The following ZNF140 variants were observed in gnomAD, a reference collection of about 807,000 sequenced individuals.
ZNF140 encodes the protein zinc finger protein 140, also known as zinc finger protein 140 (clone pHZ-39).
ZNF140 carries 13 observed loss-of-function variants against 12.9 expected under a neutral mutation model. The ratio of observed to expected loss-of-function variants is 1.01; its 90% confidence interval spans 0.66 to 1.60. The LOEUF is 1.60. ZNF140 is among the 40% of genes most tolerant of loss of function. The probability of loss-of-function intolerance (pLI) is 0.00; values close to 1 mark genes in which losing one functional copy is unlikely to be tolerated. For synonymous variants in ZNF140, 214 were observed against 186.7 expected (o/e 1.15, Z -1.19); for missense variants, 531 against 548.8 (o/e 0.97, Z 0.32).
chr12:133,089,306 C>T (rs1382508149), intron 4 of ZNF140, among the ~76,000 whole-genome samples: 1 of 151,910 alleles, frequency 6.6e-6, no homozygotes, highest in Non-Finnish European at 1.5e-5. Context: ...TCAACTTCCC[C>T]CGGCCCAGGT....
At chr12:133,104,551 C>T (rs1955504162) in intron 4 of ZNF140, among the ~76,000 whole-genome samples, 1 of 152,026 alleles carries the variant, frequency 6.6e-6, no homozygotes, top group African/African-American at 2.4e-5. Flanking sequence ...CGGGGTTTCA[C>T]TGTGTTAGCC....
chr12:133,084,577 G>T (rs1954613147), intron 4 of ZNF140, among the ~76,000 whole-genome samples: 1 of 152,220 alleles, frequency 6.6e-6, no homozygotes, highest in Non-Finnish European at 1.5e-5. Flanking sequence ...GATAGTACTA[G>T]AGAAACAAAA....
At chr12:133,087,172 A>G (rs1954703204) in intron 4 of ZNF140, among the ~76,000 whole-genome samples, 1 of 152,092 alleles carries the variant, frequency 6.6e-6, no homozygotes, top group African/African-American at 2.4e-5. Flanking sequence ...TAAGGGAGGT[A>G]GACAGATTGG....
At chr12:133,080,639 C>G (rs1413446854), upstream of ZNF140, 1 of 152,398 alleles carries the variant, frequency 6.6e-6, no homozygotes, top group Non-Finnish European at 1.5e-5. Context: ...CGGCTCTGGG[C>G]GTGGGAGGAT....
In ZNF140 at chr12:133,105,991, G is replaced by A. The variant is rs781304847; in HGVS notation, c.714G>A (p.Thr238=). The A allele has an allele frequency of 1.4e-5, 22 of 1,613,936 alleles. No individual in the cohort carries two copies. In the East Asian group the frequency reaches 1.8e-4, roughly 13 times the overall value. Residue 238 remains threonine, a synonymous_variant, in exon 5 of 5, where the codon ACG becomes ACA. Coordinates refer to ENST00000355557, the MANE Select transcript of ZNF140 (RefSeq NM_003440.4). ...CATTTCTTATTGAACACCAGAGAAC[G>A]CACACTGGGGAGAAACCTTATGAAT... ...YLSFLIEHQR[T]HTGEKPYECT...
intron 4 of ZNF140, among the ~76,000 whole-genome samples, chr12:133,105,065 T>C (rs975036564): frequency 2.0e-4 from 30 of 152,212 alleles, no homozygotes; most frequent in African/African-American, 6.5e-4. Flanking sequence ...GAAACCGCTT[T>C]TTTTTTCATT....
chr12:133,102,292 C>A (rs1179509051), intron 4 of ZNF140, among the ~76,000 whole-genome samples: 11 of 152,090 alleles, frequency 7.2e-5, no homozygotes, highest in Non-Finnish European at 2.9e-5. Context: ...CATAATTTTC[C>A]ATAATTTCCT....
intron 4 of ZNF140, among the ~76,000 whole-genome samples, chr12:133,091,665 A>G (rs1478364213): frequency 1.3e-5 from 2 of 150,812 alleles, no homozygotes; most frequent in African/African-American, 4.9e-5. Flanking sequence ...ACAGACATAC[A>G]AGGATTAATA....
chr12:133,100,779 C>A (rs200912920), intron 4 of ZNF140, among the ~76,000 whole-genome samples: 1 of 152,138 alleles, frequency 6.6e-6, no homozygotes, highest in East Asian at 1.9e-4. Context: ...TGAACACAAG[C>A]ACTACGATAC....
chr12:133,101,267 C>G (rs2137567707), intron 4 of ZNF140, among the ~76,000 whole-genome samples: 1 of 152,176 alleles, frequency 6.6e-6, no homozygotes, highest in South Asian at 2.1e-4. Flanking sequence ...TCTGTTCTTC[C>G]TTCTTTTTTA....
chr12:133,099,216 A>C (rs11610647), intron 4 of ZNF140, among the ~76,000 whole-genome samples: 73,563 of 151,610 alleles, frequency 0.49, 18,461 homozygotes, highest in Non-Finnish European at 0.56. Flanking sequence ...TCTGTCACCC[A>C]GGCTGGAGTG....
rs529925225 is a variant in ZNF140, at chr12:133,095,847, A to C, written c.233-9663A>C. ...AAACATCTCAGCGGAGTAAAGAATA[A>C]CAAGGCAGCATTACTGCAAACATAT... is the stretch of plus-strand genomic sequence containing the variant. On this transcript the variant is annotated intron_variant, in intron 4 of 4. Transcript: ENST00000355557. Among the ~76,000 whole-genome samples the C allele has an allele frequency of 7.2e-5, 11 of 152,114 alleles. No homozygotes were observed. The South Asian group carries it at 1.9e-3, about 26-fold the overall frequency.
intron 4 of ZNF140, among the ~76,000 whole-genome samples, chr12:133,094,594 G>GT (rs1485997592): frequency 6.6e-6 from 1 of 151,114 alleles, no homozygotes; most frequent in African/African-American, 2.5e-5. Context: ...ATTTAAAATA[G>GT]TTTTTTAACT....
At chr12:133,098,113 C>T (rs1392879661) in intron 4 of ZNF140, among the ~76,000 whole-genome samples, 7 of 152,080 alleles carry the variant, frequency 4.6e-5, no homozygotes, top group South Asian at 2.1e-4. Flanking sequence ...GGATTACAGG[C>T]GTGAGCCTAC....
intron 4 of ZNF140, among the ~76,000 whole-genome samples, chr12:133,096,783 C>T (rs1415926263): frequency 6.6e-6 from 1 of 152,192 alleles, no homozygotes; most frequent in Non-Finnish European, 1.5e-5. Context: ...TGTGTTATGA[C>T]TAAGAATTGC....
At chr12:133,082,143 C>G (rs1400335018) in intron 2 of ZNF140, 2 of 152,198 alleles carry the variant, frequency 1.3e-5, no homozygotes, top group Non-Finnish European at 2.9e-5. Flanking sequence ...GTGGGGATAA[C>G]AGGGTCAACT....
At position 133,081,047 on chromosome 12, in the gene ZNF140, A is replaced by G; in HGVS notation, c.-74A>G. On this transcript the variant is annotated 5_prime_UTR_variant, in exon 1 of 5. Coordinates refer to ENST00000355557, the MANE Select transcript of ZNF140 (RefSeq NM_003440.4). ...CCACCTGGCGGAAAGCACCACGGAA[A>G]CGCATCCTTCTGTGGCCACTGTTAG... 4.9e-6 allele frequency: 1 copy of G among 204,764 alleles called. No individual in the cohort carries two copies. Among genetic ancestry groups the G allele is most frequent in the Non-Finnish European group, 1.0e-5 (1 of 96,682 alleles). 12.7% of individuals were successfully genotyped at this position (204,764 alleles called of 1,614,324 possible).
chr12:133,100,834 A>G (rs1230816429), intron 4 of ZNF140, among the ~76,000 whole-genome samples: 1 of 152,164 alleles, frequency 6.6e-6, no homozygotes, highest in Non-Finnish European at 1.5e-5. Flanking sequence ...ACAGGTGGGT[A>G]GCATTCGCAG....
chr12:133,081,364 T>TATATATATATATAA (rs1954484578), intron 2 of ZNF140, 35 bp downstream of exon 2: 1 of 268,618 alleles, frequency 3.7e-6, no homozygotes, highest in Non-Finnish European at 6.2e-6. Context: ...TATATATATA[T>TATATATATATATAA]ATATATAAAT....
Sources: allele counts gnomAD v4.1 joint callset (sites outside exome capture counted in the v4.1 genomes callset), GRCh38; gene constraint gnomAD v4.1.1; transcripts MANE v1.5; gene names NCBI Gene and HGNC (gene_info 2026-07-23, HGNC 2026-07-21).